FLI1: variants seen among roughly 807,000 people sequenced by gnomAD.
FLI1 encodes the protein Fli-1 proto-oncogene, ETS transcription factor.
In FLI1, 13 loss-of-function variants were observed where a neutral mutation model predicts 53.1. The ratio of observed to expected loss-of-function variants is 0.24; its 90% CI spans 0.16 to 0.39. FLI1 has a LOEUF of 0.39. FLI1 is among the 10% of genes least tolerant of loss of function. The pLI is 1.00. For missense variants in FLI1, 424 were observed against 600.5 expected (o/e 0.71, Z 3.07); for synonymous variants, 244 against 236.7 (o/e 1.03, Z -0.28).
intron 2 of FLI1, among the ~76,000 whole-genome samples, chr11:128,765,540 A>G (rs1038251683): frequency 5.4e-4 from 82 of 152,298 alleles, no homozygotes; most frequent in African/African-American, 1.9e-3. Context: ...CCCCTGCTGT[A>G]GTTCTCCTTT....
chr11:128,743,994 G>A (rs182805807), intron 1 of FLI1, among the ~76,000 whole-genome samples: 7 of 152,304 alleles, frequency 4.6e-5, no homozygotes, highest in African/African-American at 7.2e-5. Flanking sequence ...AGCTGCCAAT[G>A]GAGGGACCAG....
At chr11:128,708,402 C>G (rs1453804741) in intron 1 of FLI1, among the ~76,000 whole-genome samples, 1 of 152,160 alleles carries the variant, frequency 6.6e-6, no homozygotes, top group East Asian at 1.9e-4. Context: ...CCTTTAAAAA[C>G]TTTGCTGGTG....
At chr11:128,772,175 C>T (rs1042381011) in intron 3 of FLI1, among the ~76,000 whole-genome samples, 1 of 152,174 alleles carries the variant, frequency 6.6e-6, no homozygotes, top group Non-Finnish European at 1.5e-5. Flanking sequence ...CTAAAATGTT[C>T]TCCCCAACGT....
At position 128,811,062 on chromosome 11, in the gene FLI1, CA is replaced by C; in HGVS notation, c.*75del. 5.7e-6 allele frequency: 8 copies of C among 1,391,664 alleles called. No individual in the cohort carries two copies. The highest frequency in any genetic ancestry group is 1.4e-5 in the African/African-American group (1 of 69,842). The allele number at this position is 1,391,664 out of a possible 1,614,324, so 86.2% of individuals were successfully genotyped here. ...ACTGGATGCTTTGGACTCAACAGGA[CA>C]TATGTGGCCTTGAAGGGAAGACAAA... On this transcript the variant is annotated 3_prime_UTR_variant, in exon 9 of 9. Transcript: ENST00000527786.
chr11:128,806,302 T>C (rs1336305332), intron 6 of FLI1: 1 of 152,078 alleles, frequency 6.6e-6, no homozygotes, highest in Non-Finnish European at 1.5e-5. Context: ...CACACAGAAC[T>C]CCTTTCTTCT....
intron 1 of FLI1, among the ~76,000 whole-genome samples, chr11:128,713,888 C>T (rs2135723274): frequency 6.6e-6 from 1 of 152,228 alleles, no homozygotes; most frequent in South Asian, 2.1e-4. Flanking sequence ...GTACCTTGAG[C>T]TTAGTCATCC....
At chr11:128,791,807 CA>C (rs1479632375) in intron 5 of FLI1, among the ~76,000 whole-genome samples, 1 of 152,192 alleles carries the variant, frequency 6.6e-6, no homozygotes, top group Non-Finnish European at 1.5e-5. Flanking sequence ...GAGCAGATTT[CA>C]ATCACAAGAT....
At chr11:128,757,947 CT>C (rs1272176670) in intron 1 of FLI1, among the ~76,000 whole-genome samples, 167 bp from the exon 2 acceptor site, 1 of 152,204 alleles carries the variant, frequency 6.6e-6, no homozygotes, top group Non-Finnish European at 1.5e-5. Flanking sequence ...AAACACCCAT[CT>C]GGTTTGCATA....
chr11:128,693,636 A>G (rs951066815), upstream of FLI1: 52 of 226,666 alleles, frequency 2.3e-4, no homozygotes, highest in African/African-American at 1.2e-3. Context: ...CCGCCTCAGG[A>G]AAAGCAAAGA....
chr11:128,694,587 A>G lies in FLI1; in HGVS notation c.18+311A>G, dbSNP rs111941192. ...GCGGGAAACCGGGGGACCCCAGGGT[A>G]CGGAACGGAGTCAAGGGCGAGAGAC... is the stretch of plus-strand genomic sequence containing the variant. On this transcript the variant is annotated intron_variant, in intron 1 of 8. Coordinates refer to ENST00000527786, the MANE Select transcript of FLI1 (RefSeq NM_002017.5). Among the ~76,000 whole-genome samples the G allele has an allele frequency of 1, 152,125 of 152,132 alleles. 76,059 individuals are homozygous for G. The highest frequency in any genetic ancestry group is 1 in the Middle Eastern group (294 of 294).
At chr11:128,739,747 A>G (rs1484573284) in intron 1 of FLI1, among the ~76,000 whole-genome samples, 2 of 152,232 alleles carry the variant, frequency 1.3e-5, no homozygotes, top group Non-Finnish European at 2.9e-5. Flanking sequence ...AAATGGTGAA[A>G]GTGCCTACAG....
At chr11:128,749,040 G>A (rs1940532521) in intron 1 of FLI1, among the ~76,000 whole-genome samples, 1 of 152,172 alleles carries the variant, frequency 6.6e-6, no homozygotes, top group African/African-American at 2.4e-5. Context: ...ATTCCACTAT[G>A]TGTCTATCAG....
chr11:128,689,700 C>T (rs1937661261), upstream of FLI1, among the ~76,000 whole-genome samples: 2 of 152,218 alleles, frequency 1.3e-5, no homozygotes, highest in African/African-American at 2.4e-5. Flanking sequence ...CCAACGGCCC[C>T]ATCTTGGATC....
At chr11:128,717,106 C>G (rs941801887) in intron 1 of FLI1, among the ~76,000 whole-genome samples, 1 of 152,050 alleles carries the variant, frequency 6.6e-6, no homozygotes, top group South Asian at 2.1e-4. Flanking sequence ...CCGGGGCACA[C>G]GCTGCTCTGG....
At chr11:128,769,483 G>A (rs981058940) in intron 3 of FLI1, among the ~76,000 whole-genome samples, 11 of 152,168 alleles carry the variant, frequency 7.2e-5, no homozygotes, top group African/African-American at 2.7e-4. Context: ...GAAATGTTAA[G>A]GGCTGCCTCC....
At chr11:128,780,710 C>CGGCAT (rs1941888733) in intron 4 of FLI1, among the ~76,000 whole-genome samples, 1 of 152,224 alleles carries the variant, frequency 6.6e-6, no homozygotes, top group African/African-American at 2.4e-5. Flanking sequence ...AACTCCATTT[C>CGGCAT]GGCATCCCTT....
At chr11:128,687,157 G>C (rs991297873) in intron 1 of FLI1, among the ~76,000 whole-genome samples, 3 of 152,278 alleles carry the variant, frequency 2.0e-5, no homozygotes, top group African/African-American at 7.2e-5. Context: ...GGCGCCACGC[G>C]CTTCTCCTAC....
chr11:128,699,195 C>A lies in FLI1; in HGVS notation c.18+4919C>A, dbSNP rs189416248. On this transcript the variant is annotated intron_variant, in intron 1 of 8. Coordinates refer to ENST00000527786, the MANE Select transcript of FLI1 (RefSeq NM_002017.5). Reference sequence around the variant, plus strand: ...TAAAAAAGATTTGGGATTTTCATGTCTCTTTCTGTTTGGGGTTAAACAGTT... The same window carrying A: ...TAAAAAAGATTTGGGATTTTCATGTATCTTTCTGTTTGGGGTTAAACAGTT... Among the ~76,000 whole-genome samples the A allele has an allele frequency of 7.9e-5, 12 of 152,262 alleles. No homozygotes were observed. In the East Asian group the frequency reaches 2.3e-3, roughly 29 times the overall value.
At chr11:128,725,944 A>T (rs115059361) in intron 1 of FLI1, among the ~76,000 whole-genome samples, 143 of 152,278 alleles carry the variant, frequency 9.4e-4, no homozygotes, top group African/African-American at 3.2e-3. Flanking sequence ...GACAAGGACA[A>T]GGCAGAAGAG....
Sources: allele counts gnomAD v4.1 joint callset (sites outside exome capture counted in the v4.1 genomes callset), GRCh38; gene constraint gnomAD v4.1.1; transcripts MANE v1.5; gene names NCBI Gene and HGNC (gene_info 2026-07-23, HGNC 2026-07-21).